Variants in PRKCZ observed in about 807,000 individuals in gnomAD.
The protein encoded by PRKCZ is protein kinase C zeta.
A neutral mutation model predicts 79.5 loss-of-function variants in PRKCZ; 33 were observed. The observed-to-expected ratio is 0.41, with a 90% CI of 0.31 to 0.55. The LOEUF is 0.55. Among genes scored for constraint, PRKCZ ranks in the 20% least tolerant of loss-of-function variants. The probability of loss-of-function intolerance (pLI) is 0.19; values close to 1 mark genes in which losing one functional copy is unlikely to be tolerated. For synonymous variants in PRKCZ, 342 were observed against 320.9 expected, an observed-to-expected ratio of 1.07 and a Z score of -0.70; for missense variants, 578 against 813.5, an observed-to-expected ratio of 0.71 and a Z score of 3.52.
At chr1:2,130,132 C>A (rs1233329362) in intron 4 of PRKCZ, among the ~76,000 whole-genome samples, 1 of 152,166 alleles carries the variant, frequency 6.6e-6, no homozygotes, top group Non-Finnish European at 1.5e-5. Context: ...ATTCAAATTC[C>A]TGGGCTCAAG....
intron 10 of PRKCZ, among the ~76,000 whole-genome samples, chr1:2,160,238 C>CGCGT (rs71578361): frequency 4.1e-5 from 6 of 146,466 alleles, no homozygotes; most frequent in African/African-American, 1.5e-4. Context: ...CAGCAGTGTG[C>CGCGT]GTGTGTGTGT....
intron 1 of PRKCZ, among the ~76,000 whole-genome samples, chr1:2,053,174 C>T: frequency 6.6e-6 from 1 of 151,700 alleles, no homozygotes; most frequent in East Asian, 1.9e-4. Context: ...GGTCTCGGCC[C>T]ACTGTATCCT....
At chr1:2,099,769 TAGTG>T (rs1430877205) in intron 4 of PRKCZ, among the ~76,000 whole-genome samples, 4 of 152,198 alleles carry the variant, frequency 2.6e-5, no homozygotes, top group Admixed American at 6.5e-5. Flanking sequence ...TTTAAGGAGT[TAGTG>T]AGGCCTGGGT....
chr1:2,055,717 G>A (rs1660098989), intron 2 of PRKCZ, 155 bp downstream of exon 2: 4 of 1,181,516 alleles, frequency 3.4e-6, no homozygotes, highest in Non-Finnish European at 2.3e-6. Context: ...TGGGGATGGT[G>A]GGAAAGAGGT....
intron 16 of PRKCZ, among the ~76,000 whole-genome samples, chr1:2,181,301 G>A (rs1375479224): frequency 2.6e-5 from 4 of 151,994 alleles, no homozygotes; most frequent in Non-Finnish European, 4.4e-5. Context: ...CCTCCCCCAG[G>A]CTATTTCTCA....
chr1:2,126,710 G>A (rs556723679), intron 4 of PRKCZ, among the ~76,000 whole-genome samples: 6 of 152,342 alleles, frequency 3.9e-5, no homozygotes, highest in Admixed American at 2.6e-4. Flanking sequence ...GCTCCACCAC[G>A]AGGGGACCTG....
intron 4 of PRKCZ, among the ~76,000 whole-genome samples, chr1:2,067,627 A>G (rs1661230145): frequency 6.6e-6 from 1 of 152,028 alleles, no homozygotes; most frequent in Admixed American, 6.5e-5. Context: ...AGGGCCCATG[A>G]GGGTGGTGGC....
At chr1:2,086,219 G>A (rs552823635) in intron 4 of PRKCZ, among the ~76,000 whole-genome samples, 2 of 151,856 alleles carry the variant, frequency 1.3e-5, no homozygotes, top group South Asian at 2.1e-4. Flanking sequence ...CTGCCACCAC[G>A]CCCAGCTAAT....
chr1:2,102,314 G>A (rs1557561539), intron 4 of PRKCZ, among the ~76,000 whole-genome samples: 2 of 143,768 alleles, frequency 1.4e-5, no homozygotes, highest in Non-Finnish European at 3.0e-5. Context: ...TTTTTATTGC[G>A]TTTTTTTTTT....
chr1:2,095,913 C>T (rs1296979148), intron 4 of PRKCZ, among the ~76,000 whole-genome samples: 1 of 126,930 alleles, frequency 7.9e-6, no homozygotes, highest in Non-Finnish European at 1.7e-5. Flanking sequence ...CTCTCCCCTC[C>T]TCTCCCCTCC....
chr1:2,074,862 T>TA (rs58923547), intron 4 of PRKCZ: 8,790 of 144,482 alleles, frequency 0.061, 330 homozygotes, highest in African/African-American at 0.11. Flanking sequence ...GTGTTTTTTT[T>TA]AAAAAAAAAA....
Position 2,146,018 on chromosome 1 carries a change from C to T in PRKCZ, c.553-9C>T, listed in dbSNP as rs776516826. On this transcript the variant is annotated splice_polypyrimidine_tract_variant and intron_variant, in intron 6 of 17. Coordinates refer to ENST00000378567, the MANE Select transcript of PRKCZ (RefSeq NM_002744.6). ...TGGTCATGCTGCCATCTCTGTGTCT[C>T]TCCGGCAGGATTCTGTCATGCCTTC... The T allele has an allele frequency of 6.2e-7, 1 of 1,608,524 alleles. No individual in the cohort carries two copies. The highest frequency in any genetic ancestry group is 1.3e-5 in the African/African-American group (1 of 74,784).
chr1:2,073,161 C>G (rs2102314161), intron 4 of PRKCZ, among the ~76,000 whole-genome samples: 1 of 152,230 alleles, frequency 6.6e-6, no homozygotes, highest in East Asian at 1.9e-4. Flanking sequence ...CGGGTGTCTC[C>G]TGCCTTAGGC....
Position 2,069,923 on chromosome 1 carries a change from C to T in PRKCZ, c.334+10332C>T, listed in dbSNP as rs527906505. Among the ~76,000 whole-genome samples the T allele has an allele frequency of 1.1e-4, 16 of 152,204 alleles. No homozygotes were observed. In the South Asian group the frequency reaches 1.2e-3, roughly 12 times the overall value. ...TGGTCCCCAGTCAGGCCCCATTGGC[C>T]TCCCTGTGGTGTGTGGTAAAGACTC... On this transcript the variant is annotated intron_variant, in intron 4 of 17. Coordinates refer to ENST00000378567, the MANE Select transcript of PRKCZ (RefSeq NM_002744.6).
intron 4 of PRKCZ, among the ~76,000 whole-genome samples, chr1:2,079,350 C>T (rs764738520): frequency 9.2e-5 from 14 of 152,222 alleles, no homozygotes; most frequent in Non-Finnish European, 1.9e-4. Flanking sequence ...TTTCTTTGTT[C>T]TGGGTAAAGA....
intron 10 of PRKCZ, among the ~76,000 whole-genome samples, chr1:2,161,154 G>A (rs889900271): frequency 1.8e-4 from 28 of 152,238 alleles, no homozygotes; most frequent in Non-Finnish European, 3.4e-4. Flanking sequence ...AGGGCCCAGC[G>A]TGGGCGCAGC....
intron 9 of PRKCZ, among the ~76,000 whole-genome samples, chr1:2,153,381 G>A (rs570393247): frequency 6.6e-6 from 1 of 152,244 alleles, no homozygotes; most frequent in African/African-American, 2.4e-5. Flanking sequence ...CTGGCTGCTC[G>A]TCGAGCCCCG....
chr1:2,125,639 T>TA lies in PRKCZ; in HGVS notation c.335-9623_335-9622insA, dbSNP rs1673721302. ...GCTCCCAGGGAACCCAAGAAAAGAC[T>TA]GAGACCCTGTGGTGCCTCCCGCTTT... On this transcript the variant is annotated intron_variant, in intron 4 of 17. Transcript: ENST00000378567. The surrounding 1 kb of genome is among the most constrained non-coding windows in gnomAD (Gnocchi z 4.2). Among the ~76,000 whole-genome samples, 1 of 152,194 alleles carries TA rather than the reference T, an allele frequency of 6.6e-6. No homozygotes were observed. The highest frequency in any genetic ancestry group is 1.5e-5 in the Non-Finnish European group (1 of 68,006).
intron 4 of PRKCZ, among the ~76,000 whole-genome samples, chr1:2,115,807 G>A (rs990822747): frequency 6.6e-6 from 1 of 152,264 alleles, no homozygotes; most frequent in African/African-American, 2.4e-5. Flanking sequence ...CAGAGCTTCC[G>A]TGCCCTCTCC....
Sources: gnomAD v4.1 joint callset for allele counts (sites outside exome capture counted in the v4.1 genomes callset) on GRCh38, gnomAD v4.1.1 for gene constraint, Gnocchi (gnomAD v3.1) non-coding constraint, MANE v1.5 for transcripts, NCBI Gene and HGNC (gene_info 2026-07-23, HGNC 2026-07-21) for gene names.